The following PCDH15 variants were observed in gnomAD, a reference collection of about 807,000 sequenced individuals.
PCDH15 encodes protocadherin related 15.
In PCDH15, 129 loss-of-function variants were observed where a neutral mutation model predicts 178.5. That is an observed-to-expected ratio of 0.72 (90% CI 0.63 to 0.84). The LOEUF is 0.84. PCDH15 is among the 40% of genes least tolerant of loss of function. The probability of loss-of-function intolerance (pLI) is 0.00; values close to 1 mark genes in which losing one functional copy is unlikely to be tolerated. For missense variants in PCDH15, 2,230 were observed against 2,099.9 expected (o/e 1.06, Z -1.21); for synonymous variants, 800 against 732.0 (o/e 1.09, Z -1.50).
At chr10:53,942,780 A>G (rs966947776) in intron 23 of PCDH15, among the ~76,000 whole-genome samples, 1 of 152,200 alleles carries the variant, frequency 6.6e-6, no homozygotes, top group Non-Finnish European at 1.5e-5. Flanking sequence ...AAGATTATGT[A>G]AGTCCAAAAA....
chr10:54,794,827 C>T (rs1224734814), intron 1 of PCDH15, among the ~76,000 whole-genome samples: 1 of 151,806 alleles, frequency 6.6e-6, no homozygotes, highest in Non-Finnish European at 1.5e-5. Flanking sequence ...CAAACTCTTG[C>T]ATTCATTCCT....
intron 1 of PCDH15, among the ~76,000 whole-genome samples, chr10:55,230,071 T>C (rs147223764): frequency 6.6e-6 from 1 of 152,182 alleles, no homozygotes; most frequent in African/African-American, 2.4e-5. Flanking sequence ...CCCTATAGCA[T>C]AGTGGAGCTA....
At chr10:54,927,218 T>C (rs995029679) in intron 2 of PCDH15, among the ~76,000 whole-genome samples, 1 of 152,110 alleles carries the variant, frequency 6.6e-6, no homozygotes, top group Admixed American at 6.6e-5. Flanking sequence ...AATCAGGTTA[T>C]TGCATTTCCA....
At chr10:55,541,346 G>A (rs528435633) in intron 2 of PCDH15, among the ~76,000 whole-genome samples, 19 of 151,992 alleles carry the variant, frequency 1.3e-4, no homozygotes, top group African/African-American at 3.9e-4. Context: ...ATTATACCCA[G>A]TACTCTTATA....
At chr10:53,841,509 T>C (rs999217851) in intron 28 of PCDH15, among the ~76,000 whole-genome samples, 4 of 152,182 alleles carry the variant, frequency 2.6e-5, no homozygotes, top group African/African-American at 9.7e-5. Context: ...GAGTCTTGTA[T>C]GTGCTTGGTT....
intron 3 of PCDH15, among the ~76,000 whole-genome samples, chr10:54,394,162 T>C (rs1455961593): frequency 6.6e-6 from 1 of 152,208 alleles, no homozygotes; most frequent in East Asian, 1.9e-4. Context: ...TTAAGGCTGA[T>C]GATGAGATAG....
At chr10:55,542,023 T>C (rs2132077151) in intron 2 of PCDH15, among the ~76,000 whole-genome samples, 1 of 151,808 alleles carries the variant, frequency 6.6e-6, no homozygotes, top group South Asian at 2.1e-4. Flanking sequence ...TTGCAAATGA[T>C]CTCTAAAATT....
At chr10:53,967,742 AT>A (rs1038825235) in intron 21 of PCDH15, among the ~76,000 whole-genome samples, 1 of 152,208 alleles carries the variant, frequency 6.6e-6, no homozygotes, top group Non-Finnish European at 1.5e-5. Flanking sequence ...CAATATGAAA[AT>A]TTTAAATATT....
At chr10:55,137,301 A>T (rs1422212158) in intron 2 of PCDH15, among the ~76,000 whole-genome samples, 2 of 152,170 alleles carry the variant, frequency 1.3e-5, no homozygotes, top group African/African-American at 4.8e-5. Flanking sequence ...TATGTGTATA[A>T]ATACACAAAT....
intron 23 of PCDH15, among the ~76,000 whole-genome samples, chr10:53,948,747 T>G (rs1159067175): frequency 6.6e-6 from 1 of 152,166 alleles, no homozygotes; most frequent in Non-Finnish European, 1.5e-5. Context: ...TTAACACCAT[T>G]CAATGTCTTC....
intron 2 of PCDH15, among the ~76,000 whole-genome samples, chr10:54,946,215 G>A (rs376135518): frequency 1.3e-5 from 2 of 151,820 alleles, no homozygotes. Flanking sequence ...ATAGATGAGA[G>A]ATATCACAGC....
upstream of PCDH15, among the ~76,000 whole-genome samples, chr10:55,323,126 G>A (rs1299187095): frequency 6.6e-6 from 1 of 152,172 alleles, no homozygotes; most frequent in African/African-American, 2.4e-5. Context: ...CAGCTTACAT[G>A]TGGCATTGGG....
At chr10:54,232,257 G>T (rs2054152364) in intron 9 of PCDH15, among the ~76,000 whole-genome samples, 1 of 152,096 alleles carries the variant, frequency 6.6e-6, no homozygotes, top group Non-Finnish European at 1.5e-5. Context: ...AAAGTGTGTA[G>T]TACCACCCCT....
chr10:53,913,739 G>T (rs1311186458), intron 25 of PCDH15, among the ~76,000 whole-genome samples: 1 of 149,938 alleles, frequency 6.7e-6, no homozygotes, highest in African/African-American at 2.5e-5. Flanking sequence ...GCGAGACTCT[G>T]TCTCAAAAAA....
At chr10:53,941,863 G>A (rs1390681561) in intron 23 of PCDH15, among the ~76,000 whole-genome samples, 1 of 152,162 alleles carries the variant, frequency 6.6e-6, no homozygotes, top group East Asian at 1.9e-4. Context: ...TCTAATAGGT[G>A]TGTGGTGGTA....
chr10:54,706,251 C>A (rs1309643348), intron 1 of PCDH15, among the ~76,000 whole-genome samples: 1 of 152,146 alleles, frequency 6.6e-6, no homozygotes, highest in East Asian at 1.9e-4. Flanking sequence ...ATATAGAAAA[C>A]AAACTGATCT....
At chr10:55,322,071 T>C (rs1486468491), upstream of PCDH15, among the ~76,000 whole-genome samples, 4 of 152,172 alleles carry the variant, frequency 2.6e-5, no homozygotes, top group Non-Finnish European at 5.9e-5. Context: ...ATAATCCTCA[T>C]GTGTCAAGGG....
chr10:54,662,829 C>G (rs1191316109), intron 2 of PCDH15, among the ~76,000 whole-genome samples: 1 of 151,928 alleles, frequency 6.6e-6, no homozygotes, highest in East Asian at 1.9e-4. Flanking sequence ...TCCTCTGGCA[C>G]AATTTAAAAT....
intron 3 of PCDH15, among the ~76,000 whole-genome samples, chr10:54,407,971 C>A (rs564677754): frequency 6.7e-6 from 1 of 149,440 alleles, no homozygotes; most frequent in South Asian, 2.1e-4. Flanking sequence ...ATGAGAATCA[C>A]TTGAACCCGG....
Sources: allele counts gnomAD v4.1 joint callset (sites outside exome capture counted in the v4.1 genomes callset), GRCh38; gene constraint gnomAD v4.1.1; transcripts MANE v1.5; gene names NCBI Gene and HGNC (gene_info 2026-07-23, HGNC 2026-07-21).